The following ARSG variants were observed in gnomAD, a reference collection of about 807,000 sequenced individuals.
The protein encoded by ARSG is arylsulfatase G.
In ARSG, 37 loss-of-function variants were observed where a neutral mutation model predicts 50.5. The ratio of observed to expected loss-of-function variants is 0.73; its 90% CI spans 0.56 to 0.96. The LOEUF (loss-of-function observed/expected upper bound fraction) is 0.96, where lower values mean the gene tolerates loss of function less well. Among genes scored for constraint, ARSG ranks in the 50% least tolerant of loss-of-function variants. The pLI is 0.00. For synonymous variants in ARSG, 225 were observed against 254.6 expected, an observed-to-expected ratio of 0.88 and a Z score of 1.11; for missense variants, 629 against 675.3, an observed-to-expected ratio of 0.93 and a Z score of 0.76.
intron 4 of ARSG, among the ~76,000 whole-genome samples, chr17:68,348,213 A>G (rs1252241837): frequency 1.3e-5 from 2 of 152,164 alleles, no homozygotes; most frequent in African/African-American, 4.8e-5. Context: ...AGAAGTGAAG[A>G]CCTGGCTTTT....
chr17:68,353,183 G>A (rs1205063901), intron 5 of ARSG, among the ~76,000 whole-genome samples: 1 of 151,674 alleles, frequency 6.6e-6, no homozygotes. Flanking sequence ...GCTGTTGAAA[G>A]TAAAACCACA....
downstream of ARSG, chr17:68,427,356 G>A: frequency 1.1e-6 from 1 of 871,100 alleles, no homozygotes. Flanking sequence ...TCAGCTCTGT[G>A]GGTTATTTAT....
chr17:68,356,273 A>G (rs533129914), intron 5 of ARSG, among the ~76,000 whole-genome samples: 1 of 152,346 alleles, frequency 6.6e-6, no homozygotes, highest in African/African-American at 2.4e-5. Context: ...CGCCATACAC[A>G]GAGGCTGGGA....
chr17:68,436,329 G>T, the ARSG span: 1 of 1,544,988 alleles, frequency 6.5e-7, no homozygotes, highest in South Asian at 1.1e-5. Context: ...CTCCTTCCAT[G>T]ACCACACAGC....
intron 11 of ARSG, among the ~76,000 whole-genome samples, chr17:68,409,474 G>A (rs925899671): frequency 6.6e-6 from 1 of 151,168 alleles, no homozygotes; most frequent in African/African-American, 2.4e-5. Context: ...CTGTTCCATT[G>A]ATCTATATCT....
chr17:68,426,253 G>GGC (rs1555798492), downstream of ARSG: 3 of 840,900 alleles, frequency 3.6e-6, no homozygotes, highest in Admixed American at 2.3e-5. Context: ...GGGGAGCGGG[G>GGC]GCTCAAATAA....
downstream of ARSG, chr17:68,421,737 A>G (rs1158877699): frequency 6.2e-7 from 1 of 1,611,626 alleles, no homozygotes; most frequent in Non-Finnish European, 8.5e-7. Flanking sequence ...ACCACCTGAT[A>G]GGGGGGATGT....
intron 2 of ARSG, among the ~76,000 whole-genome samples, chr17:68,309,076 G>C (rs183784824): frequency 6.6e-6 from 1 of 152,246 alleles, no homozygotes; most frequent in African/African-American, 2.4e-5. Flanking sequence ...GCTAAGGCTC[G>C]GTGAGAAATC....
At chr17:68,351,523 G>T in intron 4 of ARSG, 52 bp from the exon 5 acceptor site, 1 of 958,846 alleles carries the variant, frequency 1.0e-6, no homozygotes, top group Admixed American at 1.7e-5. Flanking sequence ...ACAAAGGCAA[G>T]CACATGGAGT....
At chr17:68,409,947 G>C (rs2081926191) in intron 11 of ARSG, among the ~76,000 whole-genome samples, 1 of 150,092 alleles carries the variant, frequency 6.7e-6, no homozygotes, top group Admixed American at 6.6e-5. Context: ...GTATAAGAAT[G>C]CTTGTAATTT....
chr17:68,323,382 TGAGA>T (rs59049908), intron 2 of ARSG, among the ~76,000 whole-genome samples: 31,305 of 151,782 alleles, frequency 0.21, 3,463 homozygotes, highest in African/African-American at 0.28. Context: ...ACATACTTAA[TGAGA>T]GAGAGAGAAA....
intron 9 of ARSG, among the ~76,000 whole-genome samples, chr17:68,389,068 C>T (rs985303476): frequency 1.3e-5 from 2 of 152,180 alleles, no homozygotes; most frequent in Admixed American, 6.5e-5. Context: ...CCGAAGGCAC[C>T]GGTCTTGGAA....
chr17:68,286,048 C>T (rs1369841813), intron 1 of ARSG, among the ~76,000 whole-genome samples: 6 of 152,148 alleles, frequency 3.9e-5, no homozygotes, highest in Non-Finnish European at 8.8e-5. Flanking sequence ...TGTGAGCCAC[C>T]GCGCCTGGCA....
At position 68,361,991 on chromosome 17, in the gene ARSG, A is replaced by T. The variant is rs911097028; in HGVS notation, c.704+5187A>T. Among the ~76,000 whole-genome samples, 6 of 152,268 alleles carry T rather than the reference A, an allele frequency of 3.9e-5. No homozygotes were observed. The East Asian group carries it at 5.8e-4, about 15-fold the overall frequency. On this transcript the variant is annotated intron_variant, in intron 6 of 11. Transcript: ENST00000621439. ...CAAAAAACAGAATTGGGAGAAGTCG[A>T]TGGTTGTATACTAAGCCACCCCAGG...
At chr17:68,380,085 C>T (rs181569553) in intron 8 of ARSG, among the ~76,000 whole-genome samples, 1 of 152,282 alleles carries the variant, frequency 6.6e-6, no homozygotes, top group East Asian at 1.9e-4. Context: ...CCTTAGCCTA[C>T]TCAACGTGAA....
At chr17:68,263,950 C>T (rs1195168774) in intron 1 of ARSG, among the ~76,000 whole-genome samples, 8 of 152,028 alleles carry the variant, frequency 5.3e-5, no homozygotes, top group African/African-American at 1.9e-4. Flanking sequence ...CTCCACCTCC[C>T]AGGTTCAAGT....
chr17:68,308,584 C>T (rs1013092743), intron 2 of ARSG, among the ~76,000 whole-genome samples: 21 of 152,132 alleles, frequency 1.4e-4, no homozygotes, highest in Admixed American at 5.2e-4. Context: ...TTGCAGAGAG[C>T]GAAAGAACAA....
chr17:68,396,393 C>T (rs2081251722), intron 10 of ARSG, among the ~76,000 whole-genome samples: 1 of 152,164 alleles, frequency 6.6e-6, no homozygotes, highest in Non-Finnish European at 1.5e-5. Context: ...CCTCAATGTC[C>T]CCTGTTTGCA....
At chr17:68,398,086 A>G (rs1281714907) in intron 10 of ARSG, among the ~76,000 whole-genome samples, 1 of 152,146 alleles carries the variant, frequency 6.6e-6, no homozygotes, top group Non-Finnish European at 1.5e-5. Flanking sequence ...ATGTTTATGT[A>G]CCATGTATGT....
Sources: allele counts gnomAD v4.1 joint callset (sites outside exome capture counted in the v4.1 genomes callset), GRCh38; gene constraint gnomAD v4.1.1; transcripts MANE v1.5; gene names NCBI Gene and HGNC (gene_info 2026-07-23, HGNC 2026-07-21).